MCTP1: variants seen among roughly 807,000 people sequenced by gnomAD.
MCTP1 encodes the protein multiple C2 and transmembrane domain-containing protein 1.
In MCTP1, 69 loss-of-function variants were observed where a neutral mutation model predicts 120.6. The ratio of observed to expected loss-of-function variants is 0.57; its 90% confidence interval spans 0.47 to 0.70. The LOEUF (loss-of-function observed/expected upper bound fraction) is 0.70. Ranked by LOEUF, MCTP1 falls within the 30% of genes least tolerant of loss-of-function variation. MCTP1 has a pLI of 0.00. For synonymous variants in MCTP1, 529 were observed against 493.1 expected (o/e 1.07, Z -0.96); for missense variants, 1,203 against 1,248.8 (o/e 0.96, Z 0.55).
At chr5:95,049,208 C>CA (rs1745286387) in intron 1 of MCTP1, among the ~76,000 whole-genome samples, 1 of 151,844 alleles carries the variant, frequency 6.6e-6, no homozygotes, top group African/African-American at 2.4e-5. Context: ...GTCTGCAAAA[C>CA]AAAAAATGCC....
intron 1 of MCTP1, among the ~76,000 whole-genome samples, chr5:95,190,801 G>A (rs1749742686): frequency 6.6e-6 from 1 of 152,072 alleles, no homozygotes; most frequent in South Asian, 2.1e-4. Flanking sequence ...TGATAGAAGA[G>A]ATTTACAATA....
chr5:95,014,837 C>A (rs1836766059), intron 2 of MCTP1, among the ~76,000 whole-genome samples: 1 of 152,066 alleles, frequency 6.6e-6, no homozygotes, highest in Admixed American at 6.6e-5. Flanking sequence ...TACAGATAAA[C>A]CTTTTGTGAA....
At chr5:95,208,587 A>G (rs1479104516) in intron 1 of MCTP1, among the ~76,000 whole-genome samples, 1 of 152,106 alleles carries the variant, frequency 6.6e-6, no homozygotes. Context: ...GGTTTAAATA[A>G]CATGAGCAGG....
chr5:95,151,365 C>T (rs771172941), intron 1 of MCTP1, among the ~76,000 whole-genome samples: 81 of 152,074 alleles, frequency 5.3e-4, no homozygotes, highest in Admixed American at 9.2e-4. Flanking sequence ...TAAAGGTTTT[C>T]ATCCTAATCA....
At chr5:95,197,104 C>G (rs2152542220) in intron 1 of MCTP1, among the ~76,000 whole-genome samples, 1 of 152,252 alleles carries the variant, frequency 6.6e-6, no homozygotes, top group East Asian at 1.9e-4. Context: ...TAGCAAGAAA[C>G]TTCTATAATT....
intron 17 of MCTP1, among the ~76,000 whole-genome samples, chr5:94,843,798 T>A (rs1791663162): frequency 6.6e-6 from 1 of 151,886 alleles, no homozygotes; most frequent in Non-Finnish European, 1.5e-5. Context: ...TAGAGAAGAG[T>A]TCATGGGGTC....
At chr5:94,989,734 C>T (rs1036631399) in intron 2 of MCTP1, among the ~76,000 whole-genome samples, 2 of 152,134 alleles carry the variant, frequency 1.3e-5, no homozygotes, top group Non-Finnish European at 2.9e-5. Flanking sequence ...AACCCCATCC[C>T]TTGACCTCTG....
chr5:94,891,596 CT>C (rs1291920926), intron 11 of MCTP1, among the ~76,000 whole-genome samples: 1 of 152,096 alleles, frequency 6.6e-6, no homozygotes, highest in Non-Finnish European at 1.5e-5. Flanking sequence ...GACATATTGT[CT>C]TCAGGTGCTT....
At position 94,732,275 on chromosome 5, in the gene MCTP1, G is replaced by A. The variant is rs1024400191; in HGVS notation, c.2611-17389C>T. Among the ~76,000 whole-genome samples the A allele has an allele frequency of 7.2e-5, 11 of 152,158 alleles. No homozygotes were observed. In the South Asian group the frequency reaches 1.0e-3, roughly 14 times the overall value. ...CATGCAGCCAAGGATGTCTTTGAATGTGACTCAACACAACTTCGTAAACTT... is the reference window on the plus strand; with the variant it reads ...CATGCAGCCAAGGATGTCTTTGAATATGACTCAACACAACTTCGTAAACTT... On this transcript the variant is annotated intron_variant, in intron 19 of 22. Coordinates refer to ENST00000515393, the MANE Select transcript of MCTP1 (RefSeq NM_024717.7).
Position 95,037,787 on chromosome 5 carries a change from G to A in MCTP1, c.721-20303C>T, listed in dbSNP as rs1016842375. 3.3e-5 allele frequency among the ~76,000 whole-genome samples: 5 copies of A among 152,060 alleles called. No homozygotes were observed. The East Asian group carries it at 7.7e-4, about 23-fold the overall frequency. Reference sequence around the variant, plus strand: ...GAGGCTGAGGCTGAGGGAGAATCGCGTGAACCCATGAGGCGGAGGTTGCAG... The same window carrying A: ...GAGGCTGAGGCTGAGGGAGAATCGCATGAACCCATGAGGCGGAGGTTGCAG... On this transcript the variant is annotated intron_variant, in intron 1 of 22. Coordinates refer to ENST00000515393, the MANE Select transcript of MCTP1 (RefSeq NM_024717.7).
intron 2 of MCTP1, among the ~76,000 whole-genome samples, chr5:95,011,722 C>G (rs1025603022): frequency 1.3e-5 from 2 of 152,130 alleles, no homozygotes; most frequent in Non-Finnish European, 2.9e-5. Context: ...GCCTGTGGAA[C>G]TGTAAGTTAA....
intron 1 of MCTP1, among the ~76,000 whole-genome samples, chr5:95,201,657 A>G (rs980525105): frequency 2.6e-5 from 4 of 151,702 alleles, no homozygotes; most frequent in African/African-American, 9.7e-5. Context: ...GGTGCCCGCC[A>G]TCATGCCTGG....
intron 1 of MCTP1, among the ~76,000 whole-genome samples, chr5:95,279,881 A>G (rs1011814484): frequency 3.3e-5 from 5 of 152,150 alleles, no homozygotes; most frequent in East Asian, 3.8e-4. Context: ...CTCACTTTCA[A>G]TATGAAAGGG....
At chr5:95,067,235 A>G (rs922860304) in intron 1 of MCTP1, among the ~76,000 whole-genome samples, 29 of 152,192 alleles carry the variant, frequency 1.9e-4, no homozygotes, top group African/African-American at 6.3e-4. Context: ...GGTGAGTATA[A>G]TTAACAATAA....
At chr5:94,748,834 A>T (rs552327215) in intron 19 of MCTP1, among the ~76,000 whole-genome samples, 37 of 152,300 alleles carry the variant, frequency 2.4e-4, no homozygotes, top group African/African-American at 8.4e-4. Flanking sequence ...AAGCAAATTG[A>T]ACCTCATATA....
chr5:94,784,430 A>G (rs1777205787), intron 18 of MCTP1, among the ~76,000 whole-genome samples: 1 of 152,084 alleles, frequency 6.6e-6, no homozygotes, highest in South Asian at 2.1e-4. Context: ...AGGTCAGGCT[A>G]AAGACTTTTG....
At chr5:94,790,471 G>C (rs1419485911) in intron 18 of MCTP1, among the ~76,000 whole-genome samples, 6 of 152,212 alleles carry the variant, frequency 3.9e-5, no homozygotes, top group Non-Finnish European at 8.8e-5. Context: ...AACCATTAGG[G>C]TTCATCATGG....
chr5:94,857,038 TTA>T (rs1366252176), intron 17 of MCTP1, among the ~76,000 whole-genome samples: 1 of 151,736 alleles, frequency 6.6e-6, no homozygotes, highest in African/African-American at 2.4e-5. Context: ...AGTGTGAATC[TTA>T]TGTATGGATC....
At chr5:95,212,181 G>A (rs1752464612) in intron 1 of MCTP1, among the ~76,000 whole-genome samples, 2 of 151,954 alleles carry the variant, frequency 1.3e-5, no homozygotes, top group African/African-American at 4.8e-5. Context: ...ATGATAAAGG[G>A]GACATCACCA....
Sources: gnomAD v4.1 joint callset for allele counts (sites outside exome capture counted in the v4.1 genomes callset) on GRCh38, gnomAD v4.1.1 for gene constraint, MANE v1.5 for transcripts, NCBI Gene and HGNC (gene_info 2026-07-23, HGNC 2026-07-21) for gene names.